The following SAMD12 variants were observed in gnomAD, a reference collection of about 807,000 sequenced individuals.
SAMD12 encodes the protein sterile alpha motif domain-containing protein 12.
SAMD12 carries 9 observed loss-of-function variants against 15.0 expected under a neutral mutation model. That is an observed-to-expected ratio of 0.60 (90% CI 0.36 to 1.05). The LOEUF (loss-of-function observed/expected upper bound fraction) is 1.05. Among genes scored for constraint, SAMD12 ranks in the 50% least tolerant of loss-of-function variants. SAMD12 has a pLI of 0.01. For missense variants in SAMD12, 230 were observed against 234.2 expected (o/e 0.98, Z 0.12); for synonymous variants, 86 against 90.1 (o/e 0.96, Z 0.25).
chr8:118,349,227 C>A (rs919089686), intron 4 of SAMD12, among the ~76,000 whole-genome samples: 3 of 152,246 alleles, frequency 2.0e-5, no homozygotes, highest in Non-Finnish European at 4.4e-5. Context: ...TTTGTTTACC[C>A]CTTCTCAAGC....
At chr8:118,146,383 C>T in the SAMD12 span, among the ~76,000 whole-genome samples, 1 of 152,114 alleles carries the variant, frequency 6.6e-6, no homozygotes, top group Non-Finnish European at 1.5e-5. Context: ...GGGCCTTGTC[C>T]ACCCCATTAA....
chr8:118,212,440 A>C (rs1159867543), intron 4 of SAMD12, among the ~76,000 whole-genome samples: 1 of 152,210 alleles, frequency 6.6e-6, no homozygotes, highest in African/African-American at 2.4e-5. Flanking sequence ...ATCTGCTCTA[A>C]AGAACTTGAC....
chr8:118,229,057 TCTCA>T (rs1187532489), intron 4 of SAMD12, among the ~76,000 whole-genome samples: 1 of 152,128 alleles, frequency 6.6e-6, no homozygotes, highest in Non-Finnish European at 1.5e-5. Context: ...CATCGTATAT[TCTCA>T]CTGATATGTG....
chr8:118,250,245 C>G lies in SAMD12; in HGVS notation c.434-52513G>C, dbSNP rs569140068. On this transcript the variant is annotated intron_variant, in intron 4 of 4. Coordinates refer to the SAMD12 transcript ENST00000409003. ...AGATAAGACGTCCTGTGTTTGAATC[C>G]TGGCTCATCAAATACCAGCTTACCA... 2.6e-5 allele frequency among the ~76,000 whole-genome samples: 4 copies of G among 152,218 alleles called. No homozygotes were observed. In the East Asian group the frequency reaches 7.7e-4, roughly 29 times the overall value.
intron 4 of SAMD12, among the ~76,000 whole-genome samples, chr8:118,224,121 G>A (rs928227210): frequency 6.6e-6 from 1 of 152,216 alleles, no homozygotes; most frequent in Non-Finnish European, 1.5e-5. Flanking sequence ...GAAATTGTAT[G>A]TTGGAAGTTG....
intron 2 of SAMD12, among the ~76,000 whole-genome samples, chr8:118,483,501 C>A (rs1418185804): frequency 1.3e-5 from 2 of 152,076 alleles, no homozygotes; most frequent in East Asian, 3.8e-4. Context: ...AGTACTGAGA[C>A]CAAGGTTGCC....
intron 2 of SAMD12, among the ~76,000 whole-genome samples, chr8:118,572,770 T>C (rs2131239365): frequency 6.6e-6 from 1 of 152,256 alleles, no homozygotes; most frequent in African/African-American, 2.4e-5. Context: ...CTCAGGTATG[T>C]CTTTATCGCA....
chr8:118,181,614 A>G, the SAMD12 span, among the ~76,000 whole-genome samples: 4,528 of 152,284 alleles, frequency 0.03, 89 homozygotes, highest in South Asian at 0.075. Context: ...GTGAGATGTC[A>G]TCTTTGCTAT....
chr8:118,349,660 A>G (rs1356325972), intron 4 of SAMD12, among the ~76,000 whole-genome samples: 1 of 152,234 alleles, frequency 6.6e-6, no homozygotes, highest in Non-Finnish European at 1.5e-5. Context: ...CATGCTCAAT[A>G]AATGTGCATT....
intron 2 of SAMD12, among the ~76,000 whole-genome samples, chr8:118,569,917 T>C (rs1467630198): frequency 6.6e-6 from 1 of 152,236 alleles, no homozygotes; most frequent in Non-Finnish European, 1.5e-5. Context: ...CGATTTCTAA[T>C]CCATACAGCC....
chr8:118,554,333 C>G (rs982239871), intron 2 of SAMD12, among the ~76,000 whole-genome samples: 3 of 152,040 alleles, frequency 2.0e-5, no homozygotes, highest in Non-Finnish European at 4.4e-5. Flanking sequence ...CACATATACA[C>G]CATGGAATAC....
At chr8:118,372,176 C>A (rs1819137618) in intron 4 of SAMD12, among the ~76,000 whole-genome samples, 1 of 152,110 alleles carries the variant, frequency 6.6e-6, no homozygotes, top group African/African-American at 2.4e-5. Context: ...ATCTGACTGG[C>A]TCATGTTTTC....
intron 2 of SAMD12, among the ~76,000 whole-genome samples, chr8:118,511,325 C>G (rs560043242): frequency 6.6e-6 from 1 of 152,268 alleles, no homozygotes; most frequent in East Asian, 1.9e-4. Flanking sequence ...AGGCGAAAAC[C>G]ATTAAAAACT....
intron 3 of SAMD12, among the ~76,000 whole-genome samples, chr8:118,388,702 C>A (rs1318657644): frequency 6.8e-6 from 1 of 146,972 alleles, no homozygotes; most frequent in African/African-American, 2.5e-5. Flanking sequence ...ATCTACATTT[C>A]TTTGCTGGGA....
At chr8:118,556,651 A>C (rs1826539930) in intron 2 of SAMD12, among the ~76,000 whole-genome samples, 1 of 152,152 alleles carries the variant, frequency 6.6e-6, no homozygotes, top group African/African-American at 2.4e-5. Context: ...TCCTCAAGAA[A>C]CTCACAATCT....
chr8:118,162,217 G>T, the SAMD12 span, among the ~76,000 whole-genome samples: 1 of 147,014 alleles, frequency 6.8e-6, no homozygotes, highest in Admixed American at 6.9e-5. Flanking sequence ...GGAGGACAAG[G>T]GTACATCCTG....
intron 1 of SAMD12, among the ~76,000 whole-genome samples, chr8:118,619,487 A>AAG (rs1383103381): frequency 2.0e-5 from 3 of 151,192 alleles, no homozygotes; most frequent in African/African-American, 7.3e-5. Context: ...TCAAAAAAAA[A>AAG]AAAAAAAAAA....
chr8:118,180,403 G>A, the SAMD12 span, among the ~76,000 whole-genome samples: 5 of 152,038 alleles, frequency 3.3e-5, no homozygotes, highest in African/African-American at 9.7e-5. Flanking sequence ...TACACACCAC[G>A]ACCCTTCCCT....
chr8:118,449,283 G>A (rs1224473043), intron 2 of SAMD12, among the ~76,000 whole-genome samples: 1 of 151,602 alleles, frequency 6.6e-6, no homozygotes, highest in Non-Finnish European at 1.5e-5. Context: ...GGCTGGTCTC[G>A]AACTCGTGAC....
Sources: gnomAD v4.1 joint callset for allele counts (sites outside exome capture counted in the v4.1 genomes callset) on GRCh38, gnomAD v4.1.1 for gene constraint, MANE v1.5 for transcripts, NCBI Gene and HGNC (gene_info 2026-07-23, HGNC 2026-07-21) for gene names.